The following PIAS2 variants were observed in gnomAD, a reference collection of about 807,000 sequenced individuals.
PIAS2 encodes protein inhibitor of activated STAT 2.
Under a neutral mutation model 69.7 loss-of-function variants are expected in PIAS2, and 19 were observed. That is an observed-to-expected ratio of 0.27 (90% CI 0.19 to 0.40). The LOEUF (loss-of-function observed/expected upper bound fraction) is 0.40. Among genes scored for constraint, PIAS2 ranks in the 10% least tolerant of loss-of-function variants. PIAS2 has a pLI of 1.00. For synonymous variants in PIAS2, 261 were observed against 263.2 expected (o/e 0.99, Z 0.08); for missense variants, 624 against 757.0 (o/e 0.82, Z 2.06).
chr18:46,818,394 C>T (rs1273939568), intron 12 of PIAS2: 2 of 1,585,624 alleles, frequency 1.3e-6, no homozygotes, highest in Admixed American at 3.5e-5. Context: ...TGCACAGTAT[C>T]AGAAGATGTT....
At chr18:46,869,948 AAAGT>A (rs1288988269) in intron 2 of PIAS2, among the ~76,000 whole-genome samples, 1 of 152,104 alleles carries the variant, frequency 6.6e-6, no homozygotes, top group Non-Finnish European at 1.5e-5. Context: ...TCCTCTGAGG[AAAGT>A]AAGACCTCTA....
intron 10 of PIAS2, 144 bp downstream of exon 10, chr18:46,829,590 A>T (rs1035507330): frequency 5.8e-6 from 4 of 688,234 alleles, no homozygotes; most frequent in Non-Finnish European, 9.8e-6. Flanking sequence ...AGGAAAGAAT[A>T]AAAATCATTT....
chr18:46,837,859 C>A (rs898087102), intron 8 of PIAS2, among the ~76,000 whole-genome samples: 1 of 152,124 alleles, frequency 6.6e-6, no homozygotes, highest in African/African-American at 2.4e-5. Context: ...ATCTTATGCT[C>A]CAAAAAGACG....
intron 2 of PIAS2, among the ~76,000 whole-genome samples, chr18:46,883,138 C>T (rs1244710767): frequency 1.3e-5 from 2 of 151,396 alleles, no homozygotes; most frequent in Non-Finnish European, 2.9e-5. Context: ...AGAGAAAAAG[C>T]ATTAACATAA....
At chr18:46,911,592 T>A (rs1358672619) in intron 1 of PIAS2, among the ~76,000 whole-genome samples, 1 of 152,192 alleles carries the variant, frequency 6.6e-6, no homozygotes, top group African/African-American at 2.4e-5. Context: ...CAGTACTTGG[T>A]TCTATAGTAA....
chr18:46,809,743 A>G lies in PIAS2; in HGVS notation c.*2690T>C, dbSNP rs1005992815. ...GCACTCCATCCCGGGCAACAAGAGCAAGACTCAGCCTCAAAAAAAAAAAAA... is the reference window on the plus strand; with the variant it reads ...GCACTCCATCCCGGGCAACAAGAGCGAGACTCAGCCTCAAAAAAAAAAAAA... On this transcript the variant is annotated 3_prime_UTR_variant, in exon 14 of 14. Coordinates refer to ENST00000585916, the MANE Select transcript of PIAS2 (RefSeq NM_004671.5). The G allele has an allele frequency of 1.4e-5, 2 of 146,288 alleles. No homozygotes were observed. The highest frequency in any genetic ancestry group is 3.0e-5 in the Non-Finnish European group (2 of 66,428). The allele number at this position is 146,288 out of a possible 1,614,324, so 9.1% of individuals were successfully genotyped here.
intron 1 of PIAS2, among the ~76,000 whole-genome samples, chr18:46,909,239 G>A (rs2056983735): frequency 6.6e-6 from 1 of 152,100 alleles, no homozygotes; most frequent in African/African-American, 2.4e-5. Context: ...AAACTAAAAG[G>A]TGGTATTTTA....
rs73437166 is a variant in PIAS2 at position 46,913,258 on chromosome 18, A to T, written c.24+4064T>A. 6.3e-3 allele frequency among the ~76,000 whole-genome samples: 957 copies of T among 152,324 alleles called. 11 individuals are homozygous for T. The highest frequency in any genetic ancestry group is 0.022 in the African/African-American group (910 of 41,570). On this transcript the variant is annotated intron_variant, in intron 1 of 13. Coordinates refer to ENST00000585916, the MANE Select transcript of PIAS2 (RefSeq NM_004671.5). The stretch of plus-strand genomic sequence containing the variant: ...AGTTATCAGGATGGTGACTCCTGGT[A>T]GGTGTAAGGAAACCAAACACTTAAG...
Position 46,804,284 on chromosome 18 carries a change from G to C in PIAS2, c.*8149C>G, listed in dbSNP as rs1300796023. On this transcript the variant is annotated 3_prime_UTR_variant, in exon 14 of 14. Transcript: ENST00000585916. ...TATGTATTAAGAGTATATAAACCAGGGTACTGGGATAATAGTTAGGGAACA... is the reference window on the plus strand; with the variant it reads ...TATGTATTAAGAGTATATAAACCAGCGTACTGGGATAATAGTTAGGGAACA... 1 of 152,024 alleles carries C rather than the reference G, an allele frequency of 6.6e-6. No individual in the cohort carries two copies. The highest frequency in any genetic ancestry group is 2.4e-5 in the African/African-American group (1 of 41,378). The allele number at this position is 152,024 out of a possible 1,614,324, so 9.4% of individuals were successfully genotyped here. A position where few individuals can be genotyped will look rare whatever the true frequency, so the allele number is the denominator to read the frequency against.
At chr18:46,894,267 A>G (rs1013947725) in intron 1 of PIAS2, among the ~76,000 whole-genome samples, 1 of 152,080 alleles carries the variant, frequency 6.6e-6, no homozygotes, top group Non-Finnish European at 1.5e-5. Flanking sequence ...AGTAATACCT[A>G]TTTTTTCTTA....
intron 5 of PIAS2, among the ~76,000 whole-genome samples, chr18:46,848,788 T>TGTGA (rs1031640019): frequency 1.2e-4 from 18 of 146,280 alleles, no homozygotes; most frequent in African/African-American, 3.3e-4. Context: ...TGTGTGTGTG[T>TGTGA]GAGAGAGAGA....
chr18:46,877,510 G>A (rs543152121), intron 2 of PIAS2, among the ~76,000 whole-genome samples: 19 of 152,182 alleles, frequency 1.2e-4, no homozygotes, highest in African/African-American at 3.6e-4. Context: ...CCCTCCCGCC[G>A]AAACAGCTCT....
intron 10 of PIAS2, among the ~76,000 whole-genome samples, chr18:46,829,319 A>G (rs1482237614): frequency 6.6e-6 from 1 of 152,166 alleles, no homozygotes; most frequent in East Asian, 1.9e-4. Context: ...CTGAGCAACT[A>G]ACCTGTGACC....
chr18:46,813,014 A>C (rs557193074), intron 13 of PIAS2, among the ~76,000 whole-genome samples: 1 of 152,256 alleles, frequency 6.6e-6, no homozygotes, highest in Admixed American at 6.5e-5. Flanking sequence ...GCTTAATAAC[A>C]TTTTTAAAAG....
chr18:46,810,197 A>C lies in PIAS2; in HGVS notation c.*2236T>G, dbSNP rs568183527. ...CTGTTCACAGAAAATAGAAAAAAAA[A>C]CAAAAAAACAAATCACAATTATAAA... On this transcript the variant is annotated 3_prime_UTR_variant, in exon 14 of 14. Transcript: ENST00000585916. 4 of 152,088 alleles carry C rather than the reference A, an allele frequency of 2.6e-5. No individual in the cohort carries two copies. The highest frequency in any genetic ancestry group is 4.2e-4 in the South Asian group (2 of 4,808). The allele number at this position is 152,088 out of a possible 1,614,324, so 9.4% of individuals were successfully genotyped here.
At chr18:46,864,510 C>T (rs1409504922) in intron 2 of PIAS2, among the ~76,000 whole-genome samples, 1 of 152,214 alleles carries the variant, frequency 6.6e-6, no homozygotes, top group Non-Finnish European at 1.5e-5. Flanking sequence ...GTGGCTCACA[C>T]CTGTAATCCC....
rs1475603458 is a variant in PIAS2, at chr18:46,807,913, T to C, written c.*4520A>G. 1 of 152,136 alleles carries C rather than the reference T, an allele frequency of 6.6e-6. No homozygotes were observed. Among genetic ancestry groups the C allele is most frequent in the Non-Finnish European group, 1.5e-5 (1 of 68,020 alleles). 9.4% of individuals were successfully genotyped at this position (152,136 alleles called of 1,614,324 possible). A position where few individuals can be genotyped will look rare whatever the true frequency, so the allele number is the denominator to read the frequency against. ...AAATTAACATACCCATGTGGAAAAG[T>C]GGTATGAATCAAGAACTACAAAAGT... On this transcript the variant is annotated 3_prime_UTR_variant, in exon 14 of 14. Coordinates refer to ENST00000585916, the MANE Select transcript of PIAS2 (RefSeq NM_004671.5).
At chr18:46,835,691 C>T (rs1028626761) in intron 9 of PIAS2, among the ~76,000 whole-genome samples, 11 of 152,076 alleles carry the variant, frequency 7.2e-5, no homozygotes, top group African/African-American at 2.7e-4. Context: ...TAAATCATTA[C>T]ATAAAGTATC....
chr18:46,824,558 C>G (rs1427282314), intron 11 of PIAS2, among the ~76,000 whole-genome samples: 1 of 151,996 alleles, frequency 6.6e-6, no homozygotes, highest in East Asian at 1.9e-4. Context: ...TTTAAAGACT[C>G]CGGTTCGTAA....
Sources: gnomAD v4.1 joint callset for allele counts (sites outside exome capture counted in the v4.1 genomes callset) on GRCh38, gnomAD v4.1.1 for gene constraint, MANE v1.5 for transcripts, NCBI Gene and HGNC (gene_info 2026-07-23, HGNC 2026-07-21) for gene names.